The following SLCO5A1 variants were observed in gnomAD, a reference collection of about 807,000 sequenced individuals.
The protein encoded by SLCO5A1 is solute carrier organic anion transporter family member 5A1.
A neutral mutation model predicts 65.1 loss-of-function variants in SLCO5A1; 39 were observed. The ratio of observed to expected loss-of-function variants is 0.60; its 90% CI spans 0.46 to 0.78. The LOEUF (loss-of-function observed/expected upper bound fraction) is 0.78, where lower values mean the gene tolerates loss of function less well. Ranked by LOEUF, SLCO5A1 falls within the 30% of genes least tolerant of loss-of-function variation. SLCO5A1 has a pLI of 0.00. For missense variants in SLCO5A1, 1,029 were observed against 1,069.4 expected, an observed-to-expected ratio of 0.96 and a Z score of 0.53; for synonymous variants, 438 against 415.7, an observed-to-expected ratio of 1.05 and a Z score of -0.65.
intron 2 of SLCO5A1, among the ~76,000 whole-genome samples, chr8:69,786,963 T>C (rs1819062991): frequency 6.6e-6 from 1 of 152,176 alleles, no homozygotes; most frequent in Non-Finnish European, 1.5e-5. Flanking sequence ...AAAATGTTAG[T>C]AGATTGAATT....
chr8:69,807,565 G>A (rs1456080353), intron 2 of SLCO5A1, among the ~76,000 whole-genome samples: 2 of 152,236 alleles, frequency 1.3e-5, no homozygotes, highest in East Asian at 3.9e-4. Flanking sequence ...CTACTGCTAT[G>A]AGTTTGACTT....
At chr8:69,763,739 ATAAG>A (rs1586771885) in intron 2 of SLCO5A1, among the ~76,000 whole-genome samples, 1 of 151,794 alleles carries the variant, frequency 6.6e-6, no homozygotes, top group East Asian at 1.9e-4. Context: ...AAATTATAAA[ATAAG>A]TAATATTTTG....
chr8:69,828,798 T>C (rs1169165023), intron 2 of SLCO5A1, among the ~76,000 whole-genome samples: 1 of 152,156 alleles, frequency 6.6e-6, no homozygotes, highest in Non-Finnish European at 1.5e-5. Flanking sequence ...TAGCACAGAA[T>C]ATGCATTTCA....
chr8:69,682,464 A>G, intron 6 of SLCO5A1, 121 bp from the exon 7 acceptor site: 3 of 971,398 alleles, frequency 3.1e-6, no homozygotes, highest in Non-Finnish European at 4.2e-6. Context: ...AATCAAAGCC[A>G]TGATACCCAA....
At chr8:69,754,629 G>A (rs1292177122) in intron 4 of SLCO5A1, among the ~76,000 whole-genome samples, 2 of 152,132 alleles carry the variant, frequency 1.3e-5, no homozygotes, top group African/African-American at 4.8e-5. Flanking sequence ...TCACATTATA[G>A]GTTTCTGGAA....
chr8:69,673,114 G>T lies in SLCO5A1; in HGVS notation c.2302C>A (p.Gln768Lys). 6.2e-7 allele frequency: 1 copy of T among 1,614,252 alleles called. No individual in the cohort carries two copies. Among genetic ancestry groups the T allele is most frequent in the East Asian group, 2.2e-5 (1 of 44,882 alleles). Reference sequence around the variant, plus strand: ...GGAAATTCTCTCTGCCTCCGCCTCTGCAGTCCATCCTCCTTGTATTTTATG... The same window carrying T: ...GGAAATTCTCTCTGCCTCCGCCTCTTCAGTCCATCCTCCTTGTATTTTATG... Reference protein sequence around the residue: ...YSIKYKEDGLQRRRQREFPLS... With the variant: ...YSIKYKEDGLKRRRQREFPLS... Residue 768 changes from glutamine (Q) to lysine (K), a missense_variant, in exon 10 of 10, where the codon CAG (glutamine) becomes AAG (lysine). Gln to Lys is a moderately conservative substitution (Grantham distance 53). Transcript: ENST00000260126.
chr8:69,805,361 A>C (rs1364003202), intron 2 of SLCO5A1, among the ~76,000 whole-genome samples: 1 of 152,134 alleles, frequency 6.6e-6, no homozygotes, highest in Non-Finnish European at 1.5e-5. Flanking sequence ...AGAAGAGAGG[A>C]AGCAGCTTCG....
rs72660178 is a variant in SLCO5A1, at chr8:69,811,503, A to G, written c.907+20264T>C. ...GATGCCTAATGGAGAGGCTCAGCCC[A>G]GCCAAGAACACTCTGGTGTAATGAA... On this transcript the variant is annotated intron_variant, in intron 2 of 9. Transcript: ENST00000260126. Among the ~76,000 whole-genome samples, 856 of 152,320 alleles carry G rather than the reference A, an allele frequency of 5.6e-3. 7 individuals carry two copies. Among genetic ancestry groups the G allele is most frequent in the Middle Eastern group, 0.017 (5 of 294 alleles).
chr8:69,676,232 T>C (rs1340662729), intron 9 of SLCO5A1, among the ~76,000 whole-genome samples: 1 of 152,202 alleles, frequency 6.6e-6, no homozygotes, highest in Non-Finnish European at 1.5e-5. Context: ...ATTGAAAACT[T>C]CACAAATAAA....
At chr8:69,766,460 A>G (rs1586775477) in intron 2 of SLCO5A1, among the ~76,000 whole-genome samples, 1 of 152,214 alleles carries the variant, frequency 6.6e-6, no homozygotes, top group East Asian at 1.9e-4. Flanking sequence ...TTCCAGGCAC[A>G]TCTCCACCTT....
At chr8:69,718,174 A>G (rs1815645122) in intron 5 of SLCO5A1, among the ~76,000 whole-genome samples, 1 of 152,106 alleles carries the variant, frequency 6.6e-6, no homozygotes, top group Non-Finnish European at 1.5e-5. Context: ...TTGTTTCCTT[A>G]ATTTGATTTT....
chr8:69,824,829 G>T (rs1392226430), intron 2 of SLCO5A1, among the ~76,000 whole-genome samples: 1 of 152,118 alleles, frequency 6.6e-6, no homozygotes, highest in African/African-American at 2.4e-5. Context: ...AACCAAAAAA[G>T]AGAATTTTAC....
chr8:69,696,088 C>T (rs1271457099), intron 6 of SLCO5A1, among the ~76,000 whole-genome samples: 3 of 152,130 alleles, frequency 2.0e-5, no homozygotes, highest in African/African-American at 7.2e-5. Flanking sequence ...AATTTTTTCC[C>T]AGCAGTGCTG....
intron 2 of SLCO5A1, among the ~76,000 whole-genome samples, chr8:69,762,853 C>T (rs1817860273): frequency 6.6e-6 from 1 of 152,202 alleles, no homozygotes; most frequent in South Asian, 2.1e-4. Context: ...ATGAATAAAT[C>T]TACCTAAATG....
chr8:69,790,075 C>T (rs1028153749), intron 2 of SLCO5A1, among the ~76,000 whole-genome samples: 1 of 151,760 alleles, frequency 6.6e-6, no homozygotes, highest in Non-Finnish European at 1.5e-5. Flanking sequence ...TGCCTGCAAT[C>T]CCAGCTACTC....
chr8:69,734,099 A>G (rs1816452851), intron 5 of SLCO5A1, among the ~76,000 whole-genome samples: 1 of 152,196 alleles, frequency 6.6e-6, no homozygotes, highest in African/African-American at 2.4e-5. Flanking sequence ...TGCCCTCGTC[A>G]GACATTGGTG....
At chr8:69,762,331 C>T (rs1817834737) in intron 2 of SLCO5A1, among the ~76,000 whole-genome samples, 2 of 151,934 alleles carry the variant, frequency 1.3e-5, no homozygotes, top group African/African-American at 2.4e-5. Context: ...CGACTACAGG[C>T]GCCCGCCACC....
intron 5 of SLCO5A1, among the ~76,000 whole-genome samples, chr8:69,721,779 C>T (rs779019397): frequency 6.6e-5 from 10 of 152,166 alleles, no homozygotes; most frequent in Middle Eastern, 3.2e-3. Context: ...CCACCTAAAA[C>T]AGCAGGAAAC....
chr8:69,784,864 G>GAAAGT (rs1563722860), intron 2 of SLCO5A1, among the ~76,000 whole-genome samples: 1 of 44,856 alleles, frequency 2.2e-5, no homozygotes, highest in East Asian at 4.9e-4. Context: ...AGAAAGAAAG[G>GAAAGT]GAAGGAAGGA....
Sources: gnomAD v4.1 joint callset for allele counts (sites outside exome capture counted in the v4.1 genomes callset) on GRCh38, gnomAD v4.1.1 for gene constraint, MANE v1.5 for transcripts, NCBI Gene and HGNC (gene_info 2026-07-23, HGNC 2026-07-21) for gene names.